NCOA1: variants seen among roughly 807,000 people sequenced by gnomAD.
NCOA1 encodes the protein Hin-2 protein.
A neutral mutation model predicts 150.9 loss-of-function variants in NCOA1; 35 were observed. The observed-to-expected ratio is 0.23, with a 90% CI of 0.18 to 0.31. The LOEUF (loss-of-function observed/expected upper bound fraction) is 0.31, where lower values mean the gene tolerates loss of function less well. Ranked by LOEUF, NCOA1 falls within the 10% of genes least tolerant of loss-of-function variation. The pLI is 1.00. For missense variants in NCOA1, 1,491 were observed against 1,749.3 expected (o/e 0.85, Z 2.63); for synonymous variants, 590 against 630.0 (o/e 0.94, Z 0.95).
intron 4 of NCOA1, among the ~76,000 whole-genome samples, chr2:24,656,564 T>C (rs1034445433): frequency 2.0e-5 from 3 of 152,198 alleles, no homozygotes; most frequent in African/African-American, 7.2e-5. Flanking sequence ...CTAGAACTAA[T>C]TTCTCATATT....
In NCOA1 at chr2:24,649,337, G is replaced by A. The variant is rs909255000; in HGVS notation, c.-18+5215G>A. Reference sequence around the variant, plus strand: ...AAACTCTTATAAAACTCTTTTGTACGCCTGCAAGTAAATATTAAATACTTA... The same window carrying A: ...AAACTCTTATAAAACTCTTTTGTACACCTGCAAGTAAATATTAAATACTTA... On this transcript the variant is annotated intron_variant, in intron 4 of 22. Transcript: ENST00000348332. Among the ~76,000 whole-genome samples, 3 of 152,180 alleles carry A rather than the reference G, an allele frequency of 2.0e-5. No homozygotes were observed. In the East Asian group the frequency reaches 5.8e-4, roughly 29 times the overall value.
chr2:24,540,787 A>T (rs1158040687), intron 1 of NCOA1, among the ~76,000 whole-genome samples: 3 of 152,192 alleles, frequency 2.0e-5, no homozygotes, highest in African/African-American at 7.2e-5. Context: ...TGATCCAGTG[A>T]TATAATGAGA....
chr2:24,732,434 T>C (rs555127753), intron 17 of NCOA1, among the ~76,000 whole-genome samples: 2 of 152,278 alleles, frequency 1.3e-5, no homozygotes, highest in African/African-American at 4.8e-5. Context: ...GAGCCACATA[T>C]CGGGGCCTGT....
At chr2:24,723,920 C>T (rs970665619) in intron 14 of NCOA1, among the ~76,000 whole-genome samples, 1 of 152,118 alleles carries the variant, frequency 6.6e-6, no homozygotes, top group Non-Finnish European at 1.5e-5. Flanking sequence ...TCAGTAGATA[C>T]TAAATCAACT....
chr2:24,579,203 T>C (rs1667104607), intron 2 of NCOA1, among the ~76,000 whole-genome samples: 5 of 152,170 alleles, frequency 3.3e-5, no homozygotes, highest in Admixed American at 3.3e-4. Flanking sequence ...AACTGGGGTT[T>C]GCAAGTTTAG....
chr2:24,734,134 G>A lies in NCOA1; in HGVS notation c.3201+4319G>A, dbSNP rs575674065. 2.2e-4 allele frequency among the ~76,000 whole-genome samples: 33 copies of A among 149,700 alleles called. No homozygotes were observed. In the Admixed American group the frequency reaches 2.2e-3, roughly 10 times the overall value. ...GGAGGTTGCAGTGAGCCAAGATTGT[G>A]CCATTGCACTCCAGCCTTGGTGACA... is the stretch of plus-strand genomic sequence containing the variant. On this transcript the variant is annotated intron_variant, in intron 17 of 22. Coordinates refer to ENST00000348332, the MANE Select transcript of NCOA1 (RefSeq NM_003743.5).
intron 1 of NCOA1, among the ~76,000 whole-genome samples, chr2:24,536,072 C>G (rs1006530269): frequency 7.9e-5 from 12 of 152,198 alleles, no homozygotes; most frequent in African/African-American, 2.9e-4. Context: ...TTGTCCGCAT[C>G]ACTTTCAGGT....
intron 3 of NCOA1, among the ~76,000 whole-genome samples, chr2:24,591,704 CA>C (rs1430489158): frequency 1.3e-5 from 2 of 152,222 alleles, no homozygotes; most frequent in Non-Finnish European, 2.9e-5. Flanking sequence ...GCCTAGAGAA[CA>C]CTCTTCTCTG....
intron 1 of NCOA1, among the ~76,000 whole-genome samples, chr2:24,516,977 CAT>C (rs1246704500): frequency 1.7e-5 from 1 of 58,998 alleles, no homozygotes; most frequent in African/African-American, 4.6e-5. Flanking sequence ...TATATATACA[CAT>C]ATACGTATAT....
Position 24,729,598 on chromosome 2 carries a change from A to C in NCOA1, c.2984A>C (p.Tyr995Ser). Residue 995 changes from tyrosine (Y) to serine (S), a missense_variant, in exon 17 of 23, where the codon TAC becomes TCC. By Grantham distance (144) the Tyr-to-Ser change is moderately radical (BLOSUM62 -2). Around this residue, in one of 8 missense-constraint regions of NCOA1, gnomAD observed 485 missense variants for 522.8 expected, o/e 0.93. Coordinates refer to ENST00000348332, the MANE Select transcript of NCOA1 (RefSeq NM_003743.5). ...AGACCCAACCTTTATTCCCAGCCTT[A>C]CTCTTCTCCTTCTCCTACTGCCAAT... ...EERPNLYSQP[Y>S]SSPSPTANLP... The C allele has an allele frequency of 3.7e-6, 6 of 1,613,702 alleles. No homozygotes were observed. Among genetic ancestry groups the C allele is most frequent in the Non-Finnish European group, 5.1e-6 (6 of 1,179,910 alleles).
At chr2:24,541,516 A>T (rs747495935) in intron 1 of NCOA1, among the ~76,000 whole-genome samples, 1 of 152,218 alleles carries the variant, frequency 6.6e-6, no homozygotes, top group Non-Finnish European at 1.5e-5. Flanking sequence ...TGTGCAATGG[A>T]ACCTAATCCT....
At chr2:24,708,496 A>G (rs1401196534) in intron 13 of NCOA1, among the ~76,000 whole-genome samples, 1 of 152,172 alleles carries the variant, frequency 6.6e-6, no homozygotes, top group African/African-American at 2.4e-5. Flanking sequence ...GTTATGGATT[A>G]GAAACCTTTA....
intron 3 of NCOA1, among the ~76,000 whole-genome samples, chr2:24,610,809 AC>A (rs1266282954): frequency 2.0e-5 from 3 of 148,976 alleles, no homozygotes; most frequent in South Asian, 2.1e-4. Flanking sequence ...TTTAACTGGA[AC>A]CCTGTGTAAC....
chr2:24,611,552 C>T (rs1668628451), intron 3 of NCOA1, among the ~76,000 whole-genome samples: 1 of 152,218 alleles, frequency 6.6e-6, no homozygotes, highest in Non-Finnish European at 1.5e-5. Context: ...AAGTAATTTA[C>T]ATTCCCACTA....
chr2:24,688,821 A>G (rs1370252010), intron 8 of NCOA1, among the ~76,000 whole-genome samples: 2 of 152,182 alleles, frequency 1.3e-5, no homozygotes, highest in Non-Finnish European at 2.9e-5. Flanking sequence ...ATCTTTGCCC[A>G]TTCCTATGTC....
In NCOA1 at chr2:24,709,816, C is replaced by T. The variant is rs576542713; in HGVS notation, c.2419-1115C>T. On this transcript the variant is annotated intron_variant, in intron 13 of 22. Coordinates refer to ENST00000348332, the MANE Select transcript of NCOA1 (RefSeq NM_003743.5). ...AATAGAATGGATAATTATGTTGTGA[C>T]ATATTCATACAGTGGGACACTATTC... Among the ~76,000 whole-genome samples the T allele has an allele frequency of 2.0e-5, 3 of 152,318 alleles. No homozygotes were observed. In the South Asian group the frequency reaches 6.2e-4, roughly 32 times the overall value.
chr2:24,544,378 TAACTC>T (rs966186085), intron 1 of NCOA1, among the ~76,000 whole-genome samples: 5 of 152,152 alleles, frequency 3.3e-5, no homozygotes, highest in Non-Finnish European at 5.9e-5. Context: ...ATATGAAAGA[TAACTC>T]AAGTAAAATG....
intron 2 of NCOA1, among the ~76,000 whole-genome samples, chr2:24,573,557 A>AT (rs1307873421): frequency 6.6e-6 from 1 of 152,100 alleles, no homozygotes; most frequent in Non-Finnish European, 1.5e-5. Flanking sequence ...TGCATTGATG[A>AT]TTTGGGGTTT....
At chr2:24,661,521 T>G (rs922373578) in intron 5 of NCOA1, among the ~76,000 whole-genome samples, 1 of 152,204 alleles carries the variant, frequency 6.6e-6, no homozygotes, top group African/African-American at 2.4e-5. Context: ...TGTCAAGCTT[T>G]TTAGGGTCTT....
Sources: allele counts gnomAD v4.1 joint callset (sites outside exome capture counted in the v4.1 genomes callset), GRCh38; gene constraint gnomAD v4.1.1; regional missense constraint gnomAD v4.1.1; transcripts MANE v1.5; gene names NCBI Gene and HGNC (gene_info 2026-07-23, HGNC 2026-07-21).